The following RTTN variants were observed in gnomAD, a reference collection of about 807,000 sequenced individuals.
The protein encoded by RTTN is rotatin.
RTTN carries 182 observed loss-of-function variants against 269.2 expected under a neutral mutation model. The observed-to-expected ratio is 0.68, with a 90% CI of 0.60 to 0.76. The LOEUF is 0.76. RTTN is among the 30% of genes least tolerant of loss of function. RTTN has a pLI of 0.00. For missense variants in RTTN, 2,545 were observed against 2,608.6 expected (o/e 0.98, Z 0.53); for synonymous variants, 1,006 against 963.5 (o/e 1.04, Z -0.82).
In RTTN at chr18:70,086,633, T is replaced by C; in HGVS notation, c.4354A>G (p.Ile1452Val). ...CCCACCTGCCAAGTATAATCCTTTA[T>C]AATTTCTGTAGGCATTGGAATTACA... ...LLVIPMPTEIIKDYTWQGPCV... is the reference protein window; with the variant it reads ...LLVIPMPTEIVKDYTWQGPCV... Residue 1452 changes from isoleucine (I) to valine (V), a missense_variant, in exon 32 of 49, where the codon ATA becomes GTA. Transcript: ENST00000640769. 1 of 1,565,114 alleles carries C rather than the reference T, an allele frequency of 6.4e-7. No homozygotes were observed. Among genetic ancestry groups the C allele is most frequent in the East Asian group, 2.4e-5 (1 of 42,498 alleles).
chr18:70,158,142 T>C (rs1374504784), intron 14 of RTTN, among the ~76,000 whole-genome samples: 1 of 151,680 alleles, frequency 6.6e-6, no homozygotes, highest in African/African-American at 2.4e-5. Context: ...CCAAGACACA[T>C]AGTCATCAGA....
In RTTN at chr18:70,084,335, CTAAAA is replaced by C. The variant is rs1356708117; in HGVS notation, c.4374+2273_4374+2277del. ...CCTCCACAACACTATGAAAGGGACA[CTAAAA>C]TAAGTAAATGAAACATTTTGTTGAA... is the stretch of plus-strand genomic sequence containing the variant. On this transcript the variant is annotated intron_variant, in intron 32 of 48. Coordinates refer to ENST00000640769, the MANE Select transcript of RTTN (RefSeq NM_173630.4). Among the ~76,000 whole-genome samples, 24 of 152,126 alleles carry C rather than the reference CTAAAA, an allele frequency of 1.6e-4. No individual in the cohort carries two copies. In the East Asian group the frequency reaches 4.6e-3, roughly 29 times the overall value.
chr18:70,026,055 T>C lies in RTTN; in HGVS notation c.5824-1207A>G, dbSNP rs528327357. 2.6e-5 allele frequency among the ~76,000 whole-genome samples: 4 copies of C among 152,368 alleles called. No individual in the cohort carries two copies. The South Asian group carries it at 8.3e-4, about 32-fold the overall frequency. On this transcript the variant is annotated intron_variant, in intron 43 of 48. Coordinates refer to ENST00000640769, the MANE Select transcript of RTTN (RefSeq NM_173630.4). ...ATGTCCTAAATTATTAATGCCACTA[T>C]TCATGACCAAACTTCTACATTATTA...
At chr18:70,191,821 C>T (rs763330280) in intron 8 of RTTN, among the ~76,000 whole-genome samples, 1 of 152,286 alleles carries the variant, frequency 6.6e-6, no homozygotes, top group African/African-American at 2.4e-5. Flanking sequence ...AATATGGAAA[C>T]AACTCGGGCT....
chr18:70,063,889 T>C lies in RTTN; in HGVS notation c.4747+1940A>G, dbSNP rs114775665. On this transcript the variant is annotated intron_variant, in intron 35 of 48. Transcript: ENST00000640769. ...AAAAGGAATATACCTGATAGTGTCA[T>C]ATATCACCAAAAAATTGTGAGGATT... 4.4e-3 allele frequency among the ~76,000 whole-genome samples: 666 copies of C among 151,458 alleles called. 6 individuals carry two copies. The highest frequency in any genetic ancestry group is 0.015 in the African/African-American group (632 of 41,328).
chr18:70,167,034 A>G lies in RTTN; in HGVS notation c.1690-3T>C. On this transcript the variant is annotated splice_region_variant and splice_polypyrimidine_tract_variant and intron_variant, in intron 12 of 48. Coordinates refer to ENST00000640769, the MANE Select transcript of RTTN (RefSeq NM_173630.4). ...AATTCTAAGAGATTCTTCTCTCCCT[A>G]CAAAAGAAGCAGAATGGAACAATAA... 1.9e-6 allele frequency: 3 copies of G among 1,588,650 alleles called. No homozygotes were observed. Among genetic ancestry groups the G allele is most frequent in the Non-Finnish European group, 2.6e-6 (3 of 1,157,718 alleles).
At chr18:70,141,981 A>C (rs1007108048) in intron 19 of RTTN, among the ~76,000 whole-genome samples, 1 of 152,214 alleles carries the variant, frequency 6.6e-6, no homozygotes, top group African/African-American at 2.4e-5. Flanking sequence ...AATTCTATCA[A>C]ATGGCATTTT....
chr18:70,045,724 T>TG (rs765706726), intron 40 of RTTN, among the ~76,000 whole-genome samples: 127 of 152,360 alleles, frequency 8.3e-4, no homozygotes, highest in Non-Finnish European at 1.5e-3. Context: ...GTCTTAAACT[T>TG]GCCTGTGCCT....
intron 37 of RTTN, among the ~76,000 whole-genome samples, chr18:70,056,895 G>A (rs2057832743): frequency 6.6e-6 from 1 of 152,196 alleles, no homozygotes; most frequent in East Asian, 1.9e-4. Context: ...CAACTTGAGG[G>A]AAGGGTCTTT....
intron 31 of RTTN, among the ~76,000 whole-genome samples, chr18:70,086,932 G>A (rs573166034): frequency 2.0e-5 from 3 of 151,744 alleles, no homozygotes; most frequent in African/African-American, 7.3e-5. Context: ...TATTTCATCA[G>A]GAAATATATC....
At chr18:70,005,899 T>C (rs1235218747) in intron 47 of RTTN, 1 of 154,866 alleles carries the variant, frequency 6.5e-6, no homozygotes, top group African/African-American at 2.4e-5. Flanking sequence ...TGCAATAAAG[T>C]GGAAGTCCAA....
chr18:70,173,148 T>C (rs2061187451), intron 11 of RTTN, among the ~76,000 whole-genome samples: 1 of 152,208 alleles, frequency 6.6e-6, no homozygotes, highest in African/African-American at 2.4e-5. Flanking sequence ...CAGTGTTTTA[T>C]CCGTTTTCCT....
At chr18:70,086,149 T>C (rs985666249) in intron 32 of RTTN, among the ~76,000 whole-genome samples, 1 of 152,170 alleles carries the variant, frequency 6.6e-6, no homozygotes, top group Admixed American at 6.5e-5. Context: ...TATTTAACTA[T>C]CTACAAATTT....
chr18:70,204,493 G>T (rs1369636066), intron 2 of RTTN, among the ~76,000 whole-genome samples: 1 of 152,040 alleles, frequency 6.6e-6, no homozygotes, highest in Non-Finnish European at 1.5e-5. Context: ...CACACTGAAC[G>T]CTAGAAATGC....
chr18:70,113,317 T>G (rs780707287), intron 27 of RTTN, among the ~76,000 whole-genome samples: 3 of 152,212 alleles, frequency 2.0e-5, no homozygotes, highest in Admixed American at 6.5e-5. Flanking sequence ...AAATTATTTT[T>G]CATTGGGGAA....
chr18:70,086,625 A>G lies in RTTN; in HGVS notation c.4362T>C (p.Asp1454=), dbSNP rs1370541723. ...TAAAATCACCCACCTGCCAAGTATA[A>G]TCCTTTATAATTTCTGTAGGCATTG... ...VIPMPTEIIK[D]YTWQGPCVHD... The change falls in exon 32 of 49, where the codon GAT becomes GAC. Residue 1454 remains aspartate, a synonymous_variant. Transcript: ENST00000640769. 1.9e-6 allele frequency: 3 copies of G among 1,588,050 alleles called. No homozygotes were observed. Among genetic ancestry groups the G allele is most frequent in the Non-Finnish European group, 2.6e-6 (3 of 1,167,918 alleles).
intron 40 of RTTN, among the ~76,000 whole-genome samples, chr18:70,034,629 T>C (rs1383533744): frequency 3.3e-5 from 5 of 152,168 alleles, no homozygotes; most frequent in Admixed American, 3.3e-4. Flanking sequence ...CCTTGAAAAC[T>C]GGCACAAGAC....
chr18:70,009,425 T>C (rs12150798), intron 46 of RTTN, among the ~76,000 whole-genome samples: 139,199 of 152,164 alleles, frequency 0.91, 64,598 homozygotes, highest in East Asian at 1. Context: ...TGAGAGCCAC[T>C]GCGTATGGCC....
At chr18:70,131,533 G>T (rs952177906) in intron 23 of RTTN, 1 of 151,626 alleles carries the variant, frequency 6.6e-6, no homozygotes, top group South Asian at 2.1e-4. Flanking sequence ...AAAATATATA[G>T]AAATAATGTA....
Sources: allele counts gnomAD v4.1 joint callset (sites outside exome capture counted in the v4.1 genomes callset), GRCh38; gene constraint gnomAD v4.1.1; transcripts MANE v1.5; gene names NCBI Gene and HGNC (gene_info 2026-07-23, HGNC 2026-07-21).